Variants in SNCAIP observed in about 807,000 individuals in gnomAD.
SNCAIP encodes synphilin-1.
A neutral mutation model predicts 86.7 loss-of-function variants in SNCAIP; 43 were observed. The observed-to-expected ratio is 0.50, with a 90% CI of 0.39 to 0.64. The LOEUF (loss-of-function observed/expected upper bound fraction) is 0.64. Ranked by LOEUF, SNCAIP falls within the 30% of genes least tolerant of loss-of-function variation. SNCAIP has a pLI of 0.00. For synonymous variants in SNCAIP, 417 were observed against 427.2 expected (o/e 0.98, Z 0.29); for missense variants, 981 against 1,103.1 (o/e 0.89, Z 1.57).
chr5:122,321,209 C>G (rs2152669514), intron 1 of SNCAIP: 1 of 152,242 alleles, frequency 6.6e-6, no homozygotes, highest in Non-Finnish European at 1.5e-5. Context: ...CCAATATAGC[C>G]AAAATGGTAG....
chr5:122,440,604 A>G (rs770999264), intron 6 of SNCAIP, 25 bp from the exon 7 acceptor site: 1 of 1,610,268 alleles, frequency 6.2e-7, no homozygotes. Context: ...TATTACATGA[A>G]TTCCAACTGT....
chr5:122,368,442 G>A (rs1392910103), intron 1 of SNCAIP, among the ~76,000 whole-genome samples: 4 of 151,924 alleles, frequency 2.6e-5, no homozygotes, highest in African/African-American at 7.3e-5. Context: ...TTTGAACCTC[G>A]TATATACAGA....
chr5:122,432,715 C>G (rs1778650342), intron 6 of SNCAIP, among the ~76,000 whole-genome samples: 1 of 151,952 alleles, frequency 6.6e-6, no homozygotes, highest in South Asian at 2.1e-4. Flanking sequence ...ATTAGGAAAT[C>G]CCAACATTAA....
chr5:122,450,706 TACGCCAGTTATTGGGA>T lies in SNCAIP; in HGVS notation c.1861_1876del (p.Gln622LysfsTer36), dbSNP rs1218795317. ...AAAGATGAAGATTCTGATAAAATCT[TACGCCAGTTATTGGGA>T]AAGGAAATCTCAGAAAATGTCTGCA... On this transcript the variant is annotated frameshift_variant, in exon 10 of 11. Transcript: ENST00000261368. LOFTEE classifies it high-confidence loss of function. 1 of 1,614,094 alleles carries T rather than the reference TACGCCAGTTATTGGGA, an allele frequency of 6.2e-7. No homozygotes were observed. Among genetic ancestry groups the T allele is most frequent in the East Asian group, 2.2e-5 (1 of 44,898 alleles).
At chr5:122,380,123 G>T (rs145018427) in intron 1 of SNCAIP, among the ~76,000 whole-genome samples, 31 of 151,860 alleles carry the variant, frequency 2.0e-4, no homozygotes, top group South Asian at 6.2e-4. Flanking sequence ...TGGTACCAGC[G>T]CCTCCTTGTA....
intron 1 of SNCAIP, chr5:122,371,616 G>A (rs1293608215): frequency 6.6e-6 from 1 of 152,182 alleles, no homozygotes; most frequent in Non-Finnish European, 1.5e-5. Context: ...AATCATCAGA[G>A]GGAGACTGAG....
In SNCAIP at chr5:122,451,158, C is replaced by T; in HGVS notation, c.2311C>T (p.Pro771Ser). ...GTATCCAGGCTCAGGGAGTATTCCT[C>T]CAAACCAGCCCTCTGGTGACCCTCA... is the stretch of plus-strand genomic sequence containing the variant. ...SQYPGSGSIP[P>S]NQPSGDPQQP... Residue 771 changes from proline (P) to serine (S), a missense_variant, in exon 10 of 11, where the codon CCA becomes TCA. Transcript: ENST00000261368. 6.2e-7 allele frequency: 1 copy of T among 1,614,122 alleles called. No individual in the cohort carries two copies. The highest frequency in any genetic ancestry group is 8.5e-7 in the Non-Finnish European group (1 of 1,180,018).
chr5:122,313,123 G>T (rs944174191), intron 1 of SNCAIP, among the ~76,000 whole-genome samples: 2 of 152,262 alleles, frequency 1.3e-5, no homozygotes, highest in African/African-American at 4.8e-5. Flanking sequence ...CAGCATTGTT[G>T]CTCATTTTCA....
chr5:122,453,278 T>G (rs1784086405), intron 10 of SNCAIP, among the ~76,000 whole-genome samples: 1 of 152,230 alleles, frequency 6.6e-6, no homozygotes, highest in Admixed American at 6.5e-5. Context: ...GCTTTCAATC[T>G]TTGTTTTAAT....
intron 7 of SNCAIP, 45 bp from the exon 8 acceptor site, chr5:122,444,518 G>A (rs1781856259): frequency 2.6e-6 from 4 of 1,553,364 alleles, no homozygotes; most frequent in Non-Finnish European, 3.6e-6. Context: ...AAAAAATAAT[G>A]TGTACAGAGA....
chr5:122,440,489 A>G (rs1780627902), intron 6 of SNCAIP, 140 bp from the exon 7 acceptor site: 6 of 792,756 alleles, frequency 7.6e-6, no homozygotes, highest in Non-Finnish European at 1.3e-5. Context: ...TTCAATTCAC[A>G]TCTGAATGAG....
chr5:122,374,948 T>C (rs1764991156), intron 1 of SNCAIP, among the ~76,000 whole-genome samples: 1 of 152,152 alleles, frequency 6.6e-6, no homozygotes, highest in African/African-American at 2.4e-5. Flanking sequence ...GTTTTTGCAC[T>C]TTTAATAATA....
chr5:122,462,684 G>A (rs1786677004), intron 10 of SNCAIP, among the ~76,000 whole-genome samples: 1 of 152,106 alleles, frequency 6.6e-6, no homozygotes, highest in Non-Finnish European at 1.5e-5. Flanking sequence ...CCATGCCTGG[G>A]GTTCTCCTGC....
At chr5:122,447,907 C>A (rs1782674936) in intron 8 of SNCAIP, among the ~76,000 whole-genome samples, 2 of 152,190 alleles carry the variant, frequency 1.3e-5, no homozygotes, top group Non-Finnish European at 2.9e-5. Context: ...AGTTTGCTTG[C>A]TGGTTCCCAT....
At chr5:122,445,836 C>T (rs10478555) in intron 8 of SNCAIP, among the ~76,000 whole-genome samples, 31,577 of 151,346 alleles carry the variant, frequency 0.21, 3,712 homozygotes, top group South Asian at 0.31. Flanking sequence ...GACCCTCTGC[C>T]TCTTCTCTAA....
At chr5:122,375,534 C>CT (rs1408607633) in intron 1 of SNCAIP, among the ~76,000 whole-genome samples, 1 of 131,430 alleles carries the variant, frequency 7.6e-6, no homozygotes, top group Non-Finnish European at 1.6e-5. Flanking sequence ...TACTGTCATT[C>CT]TAGTGAATAG....
chr5:122,372,501 A>G (rs1764476771), intron 1 of SNCAIP, among the ~76,000 whole-genome samples: 1 of 152,204 alleles, frequency 6.6e-6, no homozygotes, highest in Admixed American at 6.5e-5. Flanking sequence ...CAAATGCAGT[A>G]GAGGGAAAAT....
intron 1 of SNCAIP, among the ~76,000 whole-genome samples, chr5:122,327,503 C>A (rs939452771): frequency 2.0e-5 from 3 of 152,088 alleles, no homozygotes; most frequent in African/African-American, 7.2e-5. Flanking sequence ...ATCACAGGGG[C>A]AGTATCCCCC....
At chr5:122,378,306 T>C (rs1428187690) in intron 1 of SNCAIP, among the ~76,000 whole-genome samples, 1 of 139,760 alleles carries the variant, frequency 7.2e-6, no homozygotes, top group Non-Finnish European at 1.6e-5. Flanking sequence ...ATGAGCATTT[T>C]TTCATGTGTT....
Sources: gnomAD v4.1 joint callset for allele counts (sites outside exome capture counted in the v4.1 genomes callset) on GRCh38, gnomAD v4.1.1 for gene constraint, MANE v1.5 for transcripts, NCBI Gene and HGNC (gene_info 2026-07-23, HGNC 2026-07-21) for gene names.